The following ADAM28 variants were observed in gnomAD, a reference collection of about 807,000 sequenced individuals.
ADAM28 encodes the protein disintegrin and metalloproteinase domain-containing protein 28.
ADAM28 carries 105 observed loss-of-function variants against 101.2 expected under a neutral mutation model. The ratio of observed to expected loss-of-function variants is 1.04; its 90% CI spans 0.89 to 1.22. The LOEUF is 1.22. ADAM28 is among the 50% of genes most tolerant of loss of function. ADAM28 has a pLI of 0.00. For synonymous variants in ADAM28, 322 were observed against 310.6 expected (o/e 1.04, Z -0.39); for missense variants, 1,028 against 945.4 (o/e 1.09, Z -1.15).
At chr8:24,337,596 T>C (rs895438511) in intron 14 of ADAM28, among the ~76,000 whole-genome samples, 1 of 152,218 alleles carries the variant, frequency 6.6e-6, no homozygotes, top group Admixed American at 6.5e-5. Flanking sequence ...CATATTTATC[T>C]GATCAGGAAA....
intron 9 of ADAM28, 109 bp downstream of exon 9, chr8:24,324,112 C>G (rs1292548568): frequency 8.3e-6 from 8 of 960,350 alleles, no homozygotes; most frequent in South Asian, 5.4e-5. Context: ...TTATAGAGCA[C>G]TTACTTGGAT....
chr8:24,344,241 C>T (rs7001474), intron 18 of ADAM28, among the ~76,000 whole-genome samples: 11,612 of 150,482 alleles, frequency 0.077, 809 homozygotes, highest in African/African-American at 0.18. Flanking sequence ...CCAGTTGTTA[C>T]GAGGAACATT....
chr8:24,328,095 T>A (rs1375963981), intron 10 of ADAM28, among the ~76,000 whole-genome samples: 1 of 152,060 alleles, frequency 6.6e-6, no homozygotes, highest in Non-Finnish European at 1.5e-5. Context: ...CATCACTTCA[T>A]TGCATTTCCA....
rs1305666670 is a variant in ADAM28, at chr8:24,356,411, A to G, written c.*2007A>G. ...ATAACCCAAGCAAAAACTAAACCAT[A>G]CACTCTCAAAAGCAGTGGCATGTGA... On this transcript the variant is annotated 3_prime_UTR_variant, in exon 23 of 23. Coordinates refer to ENST00000265769, the MANE Select transcript of ADAM28 (RefSeq NM_014265.6). The G allele has an allele frequency of 6.6e-6, 1 of 152,176 alleles. No individual in the cohort carries two copies. The highest frequency in any genetic ancestry group is 1.5e-5 in the Non-Finnish European group (1 of 68,026). The allele number at this position is 152,176 out of a possible 1,614,324, so 9.4% of individuals were successfully genotyped here. A position where few individuals can be genotyped will look rare whatever the true frequency, so the allele number is the denominator to read the frequency against.
At chr8:24,315,478 C>G (rs919039913) in intron 6 of ADAM28, among the ~76,000 whole-genome samples, 1 of 151,654 alleles carries the variant, frequency 6.6e-6, no homozygotes, top group African/African-American at 2.4e-5. Context: ...AAGTAGAAAG[C>G]CTGAACAGAC....
At chr8:24,334,952 T>A (rs1813821353) in intron 13 of ADAM28, among the ~76,000 whole-genome samples, 1 of 152,140 alleles carries the variant, frequency 6.6e-6, no homozygotes, top group South Asian at 2.1e-4. Flanking sequence ...TAGCTGAACC[T>A]ACAATAAAAG....
At chr8:24,344,967 A>G (rs1190853495) in intron 18 of ADAM28, among the ~76,000 whole-genome samples, 1 of 151,458 alleles carries the variant, frequency 6.6e-6, no homozygotes, top group African/African-American at 2.4e-5. Flanking sequence ...ATTGAATTTG[A>G]TTTTTTAAAT....
chr8:24,341,483 C>A, intron 15 of ADAM28, 115 bp from the exon 16 acceptor site: 2 of 1,058,848 alleles, frequency 1.9e-6, no homozygotes, highest in Non-Finnish European at 2.8e-6. Context: ...GTGTAAAGTA[C>A]AACTAAGAGT....
At chr8:24,343,256 G>A (rs1815004635) in intron 17 of ADAM28, 75 bp downstream of exon 17, 2 of 1,534,348 alleles carry the variant, frequency 1.3e-6, no homozygotes, top group Middle Eastern at 1.9e-4. Flanking sequence ...GAAAGCTAAA[G>A]GAATATTTTC....
intron 2 of ADAM28, among the ~76,000 whole-genome samples, chr8:24,303,981 TTA>T (rs1809194225): frequency 1.3e-5 from 2 of 151,916 alleles, no homozygotes; most frequent in South Asian, 4.1e-4. Flanking sequence ...TATCTACTCT[TTA>T]TGTGTTTTTT....
chr8:24,354,319 T>C, intron 22 of ADAM28, 65 bp from the exon 23 acceptor site: 1 of 1,364,682 alleles, frequency 7.3e-7, no homozygotes, highest in Non-Finnish European at 1.0e-6. Context: ...ATAGTTCAGC[T>C]TCATAATAGT....
chr8:24,343,483 T>C, intron 17 of ADAM28, 23 bp from the exon 18 acceptor site: 1 of 1,611,774 alleles, frequency 6.2e-7, no homozygotes, highest in Non-Finnish European at 8.5e-7. Flanking sequence ...GCGGGGACAG[T>C]AACAGGATCA....
In ADAM28 at chr8:24,354,585, C is replaced by T. The variant is rs1439229233; in HGVS notation, c.*181C>T. 1 of 525,466 alleles carries T rather than the reference C, an allele frequency of 1.9e-6. No homozygotes were observed. Among genetic ancestry groups the T allele is most frequent in the African/African-American group, 2.0e-5 (1 of 49,722 alleles). 32.6% of individuals were successfully genotyped at this position (525,466 alleles called of 1,614,324 possible). On this transcript the variant is annotated 3_prime_UTR_variant, in exon 23 of 23. Coordinates refer to ENST00000265769, the MANE Select transcript of ADAM28 (RefSeq NM_014265.6). Reference sequence around the variant, plus strand: ...AGAAAATTTTCAAGAGGAACATATGCCTGAGAACCTTTGCATGAATTTAAA... The same window carrying T: ...AGAAAATTTTCAAGAGGAACATATGTCTGAGAACCTTTGCATGAATTTAAA...
At chr8:24,336,247 T>G (rs1814031639) in intron 14 of ADAM28, 1 of 869,208 alleles carries the variant, frequency 1.2e-6, no homozygotes, top group African/African-American at 1.8e-5. Flanking sequence ...AAAATAAAAG[T>G]TTAAAGAGAT....
At chr8:24,303,102 C>T (rs948865672) in intron 2 of ADAM28, among the ~76,000 whole-genome samples, 2 of 152,046 alleles carry the variant, frequency 1.3e-5, no homozygotes, top group South Asian at 2.1e-4. Flanking sequence ...TGTCTGTTCA[C>T]TCTGATGATA....
chr8:24,351,175 C>T, intron 19 of ADAM28, 57 bp from the exon 20 acceptor site: 1 of 1,363,610 alleles, frequency 7.3e-7, no homozygotes, highest in Non-Finnish European at 9.9e-7. Flanking sequence ...ACGGAGTTTC[C>T]CTGTCATGCT....
intron 6 of ADAM28, among the ~76,000 whole-genome samples, chr8:24,314,378 G>A (rs1173375432): frequency 6.6e-6 from 1 of 152,036 alleles, no homozygotes; most frequent in Non-Finnish European, 1.5e-5. Flanking sequence ...TTTTATGTGT[G>A]GAATTCTGCT....
chr8:24,295,479 C>T (rs936593657), intron 1 of ADAM28, among the ~76,000 whole-genome samples: 22 of 151,958 alleles, frequency 1.4e-4, no homozygotes, highest in African/African-American at 5.3e-4. Context: ...GTTTTTTTCT[C>T]TCCGTTCTCC....
intron 18 of ADAM28, among the ~76,000 whole-genome samples, chr8:24,345,363 T>C (rs1446590881): frequency 3.3e-5 from 5 of 152,074 alleles, no homozygotes; most frequent in Non-Finnish European, 7.4e-5. Flanking sequence ...GTGATCTCCA[T>C]ATTATATTCC....
Sources: allele counts gnomAD v4.1 joint callset (sites outside exome capture counted in the v4.1 genomes callset), GRCh38; gene constraint gnomAD v4.1.1; transcripts MANE v1.5; gene names NCBI Gene and HGNC (gene_info 2026-07-23, HGNC 2026-07-21).